The following JMJD1C variants were observed in gnomAD, a reference collection of about 807,000 sequenced individuals.
JMJD1C encodes jumonji domain containing 1C.
In JMJD1C, 31 loss-of-function variants were observed where a neutral mutation model predicts 245.3. That is an observed-to-expected ratio of 0.13 (90% CI 0.09 to 0.17). The LOEUF is 0.17. Ranked by LOEUF, JMJD1C falls within the 10% of genes least tolerant of loss-of-function variation. The pLI is 1.00. For synonymous variants in JMJD1C, 1,057 were observed against 1,017.4 expected, an observed-to-expected ratio of 1.04 and a Z score of -0.74; for missense variants, 2,691 against 3,000.2, an observed-to-expected ratio of 0.90 and a Z score of 2.41.
chr10:63,414,474 C>T (rs1035977142), intron 1 of JMJD1C, among the ~76,000 whole-genome samples: 19 of 151,922 alleles, frequency 1.3e-4, no homozygotes, highest in Admixed American at 6.6e-5. Flanking sequence ...GTTTGTTCCC[C>T]GTAATTTTCT....
At chr10:63,306,175 C>T (rs1017346747) in intron 2 of JMJD1C, among the ~76,000 whole-genome samples, 38 of 151,886 alleles carry the variant, frequency 2.5e-4, no homozygotes, top group South Asian at 1.5e-3. Flanking sequence ...CTGCAACCTC[C>T]GCCTCCCAGG....
intron 2 of JMJD1C, among the ~76,000 whole-genome samples, chr10:63,325,482 C>CA (rs1941397849): frequency 6.6e-6 from 1 of 152,172 alleles, no homozygotes; most frequent in African/African-American, 2.4e-5. Flanking sequence ...GCTGAGACCA[C>CA]AGGCACACAC....
chr10:63,382,834 A>G (rs1947317887), intron 1 of JMJD1C: 1 of 455,870 alleles, frequency 2.2e-6, no homozygotes, highest in Non-Finnish European at 4.4e-6. Context: ...TATTTGAATC[A>G]TGGTTGCTCT....
At chr10:63,181,077 G>C (rs975296911) in intron 22 of JMJD1C, among the ~76,000 whole-genome samples, 4 of 152,090 alleles carry the variant, frequency 2.6e-5, no homozygotes, top group African/African-American at 7.2e-5. Context: ...ACGTTGGCTA[G>C]CTGGTCTCAA....
intron 1 of JMJD1C, among the ~76,000 whole-genome samples, chr10:63,511,770 A>G (rs1186043138): frequency 1.3e-5 from 2 of 152,158 alleles, no homozygotes; most frequent in Admixed American, 6.5e-5. Context: ...ACATATATGT[A>G]GCACCAACGT....
chr10:63,380,745 C>T (rs1308554546), intron 1 of JMJD1C, among the ~76,000 whole-genome samples: 4 of 152,156 alleles, frequency 2.6e-5, no homozygotes, highest in Non-Finnish European at 5.9e-5. Context: ...CCATACTGTG[C>T]TATCGAACAC....
chr10:63,377,182 C>G (rs1462107616), intron 2 of JMJD1C, among the ~76,000 whole-genome samples: 3 of 152,122 alleles, frequency 2.0e-5, no homozygotes, highest in Non-Finnish European at 2.9e-5. Flanking sequence ...AGGACAAATA[C>G]TGTATAATTA....
chr10:63,343,604 T>C (rs1301328502), intron 2 of JMJD1C, among the ~76,000 whole-genome samples: 2 of 152,132 alleles, frequency 1.3e-5, no homozygotes, highest in Non-Finnish European at 2.9e-5. Flanking sequence ...AGTACAGTCA[T>C]ATGCTGAATA....
chr10:63,332,986 A>C (rs1942324515), intron 2 of JMJD1C, among the ~76,000 whole-genome samples: 1 of 152,202 alleles, frequency 6.6e-6, no homozygotes, highest in African/African-American at 2.4e-5. Flanking sequence ...CTCAAAAATA[A>C]AAAAAGCAAA....
chr10:63,223,188 T>C lies in JMJD1C; in HGVS notation c.448-3205A>G. On this transcript the variant is annotated intron_variant, in intron 3 of 25. Coordinates refer to ENST00000399262, the MANE Select transcript of JMJD1C (RefSeq NM_032776.3). ...TCCATACATAACCATCCATATACCTTTTCCATAATATAGGGAATTATAAAC... is the reference window on the plus strand; with the variant it reads ...TCCATACATAACCATCCATATACCTCTTCCATAATATAGGGAATTATAAAC... 2 of 521,792 alleles carry C rather than the reference T, an allele frequency of 3.8e-6. 1 individual carries two copies. Among genetic ancestry groups the C allele is most frequent in the South Asian group, 6.6e-5 (2 of 30,452 alleles). The allele number at this position is 521,792 out of a possible 1,614,324, so 32.3% of individuals were successfully genotyped here. A position where few individuals can be genotyped will look rare whatever the true frequency, so the allele number is the denominator to read the frequency against.
chr10:63,330,837 A>C (rs1942064885), intron 2 of JMJD1C, among the ~76,000 whole-genome samples: 1 of 152,204 alleles, frequency 6.6e-6, no homozygotes, highest in Non-Finnish European at 1.5e-5. Flanking sequence ...TAAAATGCCC[A>C]GAATAACACA....
chr10:63,369,469 C>A (rs1318316408), intron 2 of JMJD1C, among the ~76,000 whole-genome samples: 1 of 152,040 alleles, frequency 6.6e-6, no homozygotes, highest in Non-Finnish European at 1.5e-5. Flanking sequence ...TGCCAATAGT[C>A]CTGCATGAAT....
At position 63,209,281 on chromosome 10, in the gene JMJD1C, A is replaced by G. The variant is rs1289092190; in HGVS notation, c.2695-46T>C. The G allele has an allele frequency of 2.0e-6, 3 of 1,525,570 alleles. No individual in the cohort carries two copies. The East Asian group carries it at 7.0e-5, about 36-fold the overall frequency. 94.5% of individuals were successfully genotyped at this position (1,525,570 alleles called of 1,614,324 possible). On this transcript the variant is annotated intron_variant, in intron 8 of 25. Transcript: ENST00000399262. ...AAAAAACACCTAGATTTCAGTTACT[A>G]GAAAAAGCTAAACACCGTGTCACAG...
chr10:63,480,642 A>C (rs974776893), intron 1 of JMJD1C, among the ~76,000 whole-genome samples: 11 of 152,178 alleles, frequency 7.2e-5, no homozygotes, highest in African/African-American at 2.2e-4. Flanking sequence ...AAAAAAAAAA[A>C]AAAACTATTA....
chr10:63,245,449 CAA>C (rs1285781207), intron 3 of JMJD1C, among the ~76,000 whole-genome samples: 1 of 140,634 alleles, frequency 7.1e-6, no homozygotes. Flanking sequence ...TAGCAGCAGG[CAA>C]AGAGAGGGAG....
intron 3 of JMJD1C, among the ~76,000 whole-genome samples, chr10:63,236,019 T>C (rs574759944): frequency 1.3e-5 from 2 of 152,200 alleles, no homozygotes; most frequent in Non-Finnish European, 2.9e-5. Context: ...ATAAATAGAT[T>C]ATATAATTTA....
At chr10:63,460,651 T>C (rs1952728890) in intron 1 of JMJD1C, among the ~76,000 whole-genome samples, 1 of 152,214 alleles carries the variant, frequency 6.6e-6, no homozygotes, top group African/African-American at 2.4e-5. Flanking sequence ...CGGTACTAAA[T>C]ATGTGAAGAT....
intron 1 of JMJD1C, among the ~76,000 whole-genome samples, chr10:63,422,737 T>C (rs1473113519): frequency 6.6e-6 from 1 of 152,150 alleles, no homozygotes; most frequent in African/African-American, 2.4e-5. Context: ...CTTGGGAAAG[T>C]TTAAATCATG....
intron 1 of JMJD1C, among the ~76,000 whole-genome samples, chr10:63,444,124 G>GT (rs1182166862): frequency 6.6e-6 from 1 of 152,076 alleles, no homozygotes; most frequent in Non-Finnish European, 1.5e-5. Flanking sequence ...ATTCATAACA[G>GT]TAAGTGACTG....
Sources: allele counts gnomAD v4.1 joint callset (sites outside exome capture counted in the v4.1 genomes callset), GRCh38; gene constraint gnomAD v4.1.1; transcripts MANE v1.5; gene names NCBI Gene and HGNC (gene_info 2026-07-23, HGNC 2026-07-21).